The following RALGDS variants were observed in gnomAD, a reference collection of about 807,000 sequenced individuals.
The protein encoded by RALGDS is ral guanine nucleotide dissociation stimulator.
Under a neutral mutation model 99.8 loss-of-function variants are expected in RALGDS, and 44 were observed. That is an observed-to-expected ratio of 0.44 (90% CI 0.35 to 0.57). The LOEUF is 0.57. RALGDS is among the 20% of genes least tolerant of loss of function. The probability of loss-of-function intolerance (pLI) is 0.01; values close to 1 mark genes in which losing one functional copy is unlikely to be tolerated. For missense variants in RALGDS, 1,022 were observed against 1,203.1 expected (o/e 0.85, Z 2.23); for synonymous variants, 529 against 505.0 (o/e 1.05, Z -0.64).
At position 133,101,536 on chromosome 9, in the gene RALGDS, A is replaced by T; in HGVS notation, c.2438T>A (p.Met813Lys). 2 of 1,612,298 alleles carry T rather than the reference A, an allele frequency of 1.2e-6. No homozygotes were observed. The highest frequency in any genetic ancestry group is 2.2e-5 in the South Asian group (2 of 91,088). ...CCGGCTTACCAGGATGCTCTTGTAC[A>T]TGTTGCCATTGTCCACGTCCAGGCT... The part of the protein sequence containing the change: ...RVSLDVDNGN[M>K]YKSILVTSQD... Residue 813 changes from methionine to lysine, a missense_variant, in exon 16 of 18, where the codon ATG becomes AAG. Met to Lys is a moderately conservative substitution (Grantham distance 95). This residue lies in a region of RALGDS where 825 missense variants were observed against 994.5 expected (regional missense o/e 0.83). Coordinates refer to ENST00000372050, the MANE Select transcript of RALGDS (RefSeq NM_006266.4).
intron 6 of RALGDS, among the ~76,000 whole-genome samples, chr9:133,107,531 A>AC (rs1269736526): frequency 6.7e-6 from 1 of 148,744 alleles, no homozygotes; most frequent in East Asian, 2.0e-4. Context: ...ACGCCTGCCC[A>AC]CCCCCCATCC....
chr9:133,137,010 G>A (rs1030292409), intron 1 of RALGDS, among the ~76,000 whole-genome samples: 20 of 152,202 alleles, frequency 1.3e-4, no homozygotes, highest in Middle Eastern at 3.4e-3. Context: ...CGAGGCGGGC[G>A]GATCACTTGA....
At chr9:133,102,744 G>A (rs776588024) in intron 13 of RALGDS, 35 bp downstream of exon 13, 19 of 1,606,024 alleles carry the variant, frequency 1.2e-5, no homozygotes, top group Non-Finnish European at 8.5e-7. Flanking sequence ...AGGACAGCCT[G>A]CCCCCACTGT....
At position 133,098,295 on chromosome 9, in the gene RALGDS, C is replaced by CG. The variant is rs1247085007; in HGVS notation, c.*291dup. The CG allele has an allele frequency of 2.3e-5, 11 of 485,584 alleles. No homozygotes were observed. Among genetic ancestry groups the CG allele is most frequent in the East Asian group, 3.6e-5 (1 of 27,416 alleles). The allele number at this position is 485,584 out of a possible 1,614,324, so 30.1% of individuals were successfully genotyped here. On this transcript the variant is annotated 3_prime_UTR_variant, in exon 18 of 18. Transcript: ENST00000372050. ...CAGGGAAGTGTACAGAGGTGGCGCC[C>CG]GGGGGCAGGCAGGGCACCATGCCAT... is the stretch of plus-strand genomic sequence containing the variant.
chr9:133,122,001 G>A (rs959009259), upstream of RALGDS, among the ~76,000 whole-genome samples: 1 of 152,382 alleles, frequency 6.6e-6, no homozygotes, highest in Non-Finnish European at 1.5e-5. Context: ...AGCCAGGGAG[G>A]TGGGGGAGAG....
Position 133,121,161 on chromosome 9 carries a change from C to T in RALGDS, c.-7G>A, listed in dbSNP as rs1478641390. 1 of 1,185,514 alleles carries T rather than the reference C, an allele frequency of 8.4e-7. No individual in the cohort carries two copies. The highest frequency in any genetic ancestry group is 1.0e-6 in the Non-Finnish European group (1 of 958,012). The allele number at this position is 1,185,514 out of a possible 1,614,324, so 73.4% of individuals were successfully genotyped here. On this transcript the variant is annotated 5_prime_UTR_variant, in exon 1 of 18. Transcript: ENST00000372050. ...CCCACATGCGCTGCACCATGGAAGG[C>T]TCGCAGCGCGGGCGCGGGGCCGGCC...
chr9:133,106,291 A>C (rs1204537106), intron 8 of RALGDS, among the ~76,000 whole-genome samples: 1 of 152,014 alleles, frequency 6.6e-6, no homozygotes, highest in African/African-American at 2.4e-5. Context: ...TGCAGTGGCC[A>C]GATGTCGACT....
Position 133,119,274 on chromosome 9 carries a change from G to C in RALGDS, c.183+1698C>G, listed in dbSNP as rs578248471. ...GACACCAGGAAACCAGCCCCAGGAC[G>C]GGGGGTGTTGGCAGGAGGGACAGGG... On this transcript the variant is annotated intron_variant, in intron 1 of 17. Transcript: ENST00000372050. Among the ~76,000 whole-genome samples the C allele has an allele frequency of 1.6e-3, 245 of 152,290 alleles. 1 individual carries two copies. The highest frequency in any genetic ancestry group is 5.4e-3 in the African/African-American group (225 of 41,556).
In RALGDS at chr9:133,107,146, T is replaced by A. The variant is rs1831105760; in HGVS notation, c.1352A>T (p.Asn451Ile). The A allele has an allele frequency of 6.2e-7, 1 of 1,613,812 alleles. No homozygotes were observed. The highest frequency in any genetic ancestry group is 1.3e-5 in the African/African-American group (1 of 75,080). The stretch of plus-strand genomic sequence containing the variant: ...CCTGTCTGGGGCTTTCGTGCTTCGG[T>A]TCCCGAGGCAGGTGGTGATGACACA... ...ANCVITTCLG[N>I]RSTKAPDRAR... Residue 451 changes from asparagine to isoleucine, a missense_variant, in exon 7 of 18, where the codon AAC becomes ATC. Asn to Ile is a moderately radical substitution (Grantham distance 149). Coordinates refer to ENST00000372050, the MANE Select transcript of RALGDS (RefSeq NM_006266.4).
upstream of RALGDS, among the ~76,000 whole-genome samples, chr9:133,122,479 C>T (rs1831986829): frequency 6.6e-6 from 1 of 152,180 alleles, no homozygotes; most frequent in Non-Finnish European, 1.5e-5. Flanking sequence ...CACATCTTGC[C>T]CCCTTCCCAA....
At position 133,110,456 on chromosome 9, in the gene RALGDS, T is replaced by C; in HGVS notation, c.328A>G (p.Thr110Ala). ...ENESALNLYE[T>A]CKVRTVKAGT... is the part of the protein sequence containing the mutation. Reference sequence around the variant, plus strand: ...GCCTTCACGGTCCGCACCTTGCAAGTCTCATAAAGGTTCAGGGCCGACTCA... The same window carrying C: ...GCCTTCACGGTCCGCACCTTGCAAGCCTCATAAAGGTTCAGGGCCGACTCA... The change falls in exon 3 of 18, where the codon ACT (threonine) becomes GCT (alanine). Residue 110 changes from threonine (T) to alanine (A), a missense_variant. Transcript: ENST00000372050. 1 of 1,613,200 alleles carries C rather than the reference T, an allele frequency of 6.2e-7. No individual in the cohort carries two copies. The highest frequency in any genetic ancestry group is 2.2e-5 in the East Asian group (1 of 44,876).
At chr9:133,100,993 A>C in intron 16 of RALGDS, 2 of 1,055,780 alleles carry the variant, frequency 1.9e-6, no homozygotes, top group Non-Finnish European at 2.3e-6. Flanking sequence ...GTCGCAGGAC[A>C]CCTGGAGGAT....
intron 1 of RALGDS, among the ~76,000 whole-genome samples, chr9:133,138,754 C>G (rs568628496): frequency 8.3e-4 from 126 of 152,334 alleles, no homozygotes; most frequent in Admixed American, 1.3e-3. Flanking sequence ...CCTGCCTCAG[C>G]CTCCCGAGTA....
chr9:133,148,352 C>A (rs1054296452), intron 1 of RALGDS, among the ~76,000 whole-genome samples: 1 of 152,226 alleles, frequency 6.6e-6, no homozygotes. Flanking sequence ...CCAGACAGAT[C>A]CTGGGAACCT....
At chr9:133,113,307 G>A (rs1348834741) in intron 1 of RALGDS, among the ~76,000 whole-genome samples, 4 of 152,180 alleles carry the variant, frequency 2.6e-5, no homozygotes, top group South Asian at 2.1e-4. Flanking sequence ...ACCCCAGCAG[G>A]AGCCAGGTAG....
At chr9:133,111,961 A>T in intron 2 of RALGDS, 81 bp downstream of exon 2, 1 of 1,066,636 alleles carries the variant, frequency 9.4e-7, no homozygotes, top group Non-Finnish European at 1.4e-6. Context: ...CTTTGGGATC[A>T]GAACTGGGGG....
chr9:133,110,007 G>A (rs1029775312), intron 3 of RALGDS, among the ~76,000 whole-genome samples: 4 of 152,192 alleles, frequency 2.6e-5, no homozygotes, highest in African/African-American at 9.7e-5. Context: ...ATACAAGAGA[G>A]GCTTGGGGCA....
rs1830789209 is a variant in RALGDS, at chr9:133,102,188, C to T, written c.2010-49G>A. 2.6e-6 allele frequency: 4 copies of T among 1,534,192 alleles called. 1 individual carries two copies. Among genetic ancestry groups the T allele is most frequent in the Middle Eastern group, 3.4e-4 (2 of 5,868 alleles). On this transcript the variant is annotated intron_variant, in intron 14 of 17. Coordinates refer to ENST00000372050, the MANE Select transcript of RALGDS (RefSeq NM_006266.4). ...AAGGGGGCTCCCCAAGGACACATCC[C>T]AACCCCACAGCCCCTGCACCCTGCG...
At position 133,121,102 on chromosome 9, in the gene RALGDS, G is replaced by T. The variant is rs777637593; in HGVS notation, c.53C>A (p.Pro18Gln). Residue 18 changes from proline to glutamine, a missense_variant, in exon 1 of 18, where the codon CCG (proline) becomes CAG (glutamine). By Grantham distance (76) the Pro-to-Gln change is moderately conservative. Transcript: ENST00000372050. ...EAAGPAGGAE[P>Q]LFPGSRRSRS... is the part of the protein sequence containing the mutation. ...GCTCCGCCGGGAGCCCGGAAACAGC[G>T]GCTCGGCGCCGCCAGCAGGCCCGGC... is the stretch of plus-strand genomic sequence containing the variant. 296 of 1,472,774 alleles carry T rather than the reference G, an allele frequency of 2.0e-4. No homozygotes were observed. The highest frequency in any genetic ancestry group is 1.2e-3 in the Middle Eastern group (5 of 4,252). The allele number at this position is 1,472,774 out of a possible 1,614,324, so 91.2% of individuals were successfully genotyped here. A position where few individuals can be genotyped will look rare whatever the true frequency, so the allele number is the denominator to read the frequency against.
Sources: gnomAD v4.1 joint callset for allele counts (sites outside exome capture counted in the v4.1 genomes callset) on GRCh38, gnomAD v4.1.1 for gene constraint, gnomAD v4.1.1 regional missense constraint, MANE v1.5 for transcripts, NCBI Gene and HGNC (gene_info 2026-07-23, HGNC 2026-07-21) for gene names.